The following IMMP1L variants were observed in gnomAD, a reference collection of about 807,000 sequenced individuals.
IMMP1L encodes mitochondrial inner membrane protease subunit 1.
IMMP1L carries 24 observed loss-of-function variants against 21.8 expected under a neutral mutation model. That is an observed-to-expected ratio of 1.10 (90% CI 0.80 to 1.55). The LOEUF (loss-of-function observed/expected upper bound fraction) is 1.55, where lower values mean the gene tolerates loss of function less well. Among genes scored for constraint, IMMP1L ranks in the 40% most tolerant of loss-of-function variants. The pLI is 0.00. For synonymous variants in IMMP1L, 46 were observed against 62.8 expected (o/e 0.73, Z 1.26); for missense variants, 195 against 200.7 (o/e 0.97, Z 0.17).
At chr11:31,457,944 C>A (rs968626107) in intron 3 of IMMP1L, among the ~76,000 whole-genome samples, 11 of 152,076 alleles carry the variant, frequency 7.2e-5, no homozygotes, top group Admixed American at 6.6e-5. Context: ...TCTTTCTAAC[C>A]AACTAGAACC....
At chr11:31,453,873 T>C (rs529789740) in intron 4 of IMMP1L, among the ~76,000 whole-genome samples, 11 of 152,296 alleles carry the variant, frequency 7.2e-5, no homozygotes, top group Non-Finnish European at 1.3e-4. Context: ...ACAGAATAGA[T>C]AGGCAAAGGG....
intron 1 of IMMP1L, among the ~76,000 whole-genome samples, chr11:31,503,495 C>A (rs900092147): frequency 1.3e-5 from 2 of 151,912 alleles, no homozygotes; most frequent in African/African-American, 4.8e-5. Flanking sequence ...CGTGAAAAAT[C>A]CCTAGCAAAA....
rs77068195 is a variant in IMMP1L at position 31,466,685 on chromosome 11, T to C, written c.-29-3380A>G. Among the ~76,000 whole-genome samples, 469 of 152,192 alleles carry C rather than the reference T, an allele frequency of 3.1e-3. 1 individual carries two copies. Among genetic ancestry groups the C allele is most frequent in the African/African-American group, 0.011 (446 of 41,554 alleles). ...GAAGAAAAATACCTTATGTTTTCAC[T>C]CATCTGTGGGAGCTTAAAAAAATAT... On this transcript the variant is annotated intron_variant, in intron 1 of 5. Transcript: ENST00000532287.
At chr11:31,503,921 G>T (rs541190845) in intron 1 of IMMP1L, among the ~76,000 whole-genome samples, 1 of 152,318 alleles carries the variant, frequency 6.6e-6, no homozygotes, top group South Asian at 2.1e-4. Context: ...AAAGAAATCT[G>T]CCTAATTTAT....
At chr11:31,471,281 A>G (rs1954542050) in intron 1 of IMMP1L, among the ~76,000 whole-genome samples, 1 of 152,160 alleles carries the variant, frequency 6.6e-6, no homozygotes, top group African/African-American at 2.4e-5. Flanking sequence ...ACCTGTTTGG[A>G]TAAGGCCCTA....
chr11:31,463,107 C>T, intron 2 of IMMP1L, 65 bp downstream of exon 2: 1 of 1,293,110 alleles, frequency 7.7e-7, no homozygotes, highest in Non-Finnish European at 1.1e-6. Flanking sequence ...AGGAAAAACA[C>T]ACTTTCCTTC....
chr11:31,505,114 C>T (rs2133839384), intron 1 of IMMP1L, among the ~76,000 whole-genome samples: 1 of 152,216 alleles, frequency 6.6e-6, no homozygotes, highest in East Asian at 1.9e-4. Flanking sequence ...GACTCCAGGG[C>T]TAGTGAAGCC....
intron 1 of IMMP1L, among the ~76,000 whole-genome samples, chr11:31,477,931 C>T (rs149403243): frequency 6.6e-6 from 1 of 152,240 alleles, no homozygotes; most frequent in East Asian, 1.9e-4. Flanking sequence ...TACCAGGGAC[C>T]TCATGTTGGT....
chr11:31,489,681 C>T (rs1338708047), intron 1 of IMMP1L, among the ~76,000 whole-genome samples: 1 of 152,176 alleles, frequency 6.6e-6, no homozygotes, highest in Non-Finnish European at 1.5e-5. Flanking sequence ...TCTCTTCCTC[C>T]TCTTTTGTAA....
intron 4 of IMMP1L, among the ~76,000 whole-genome samples, chr11:31,444,799 T>G (rs1346777793): frequency 1.3e-5 from 2 of 152,084 alleles, no homozygotes; most frequent in Non-Finnish European, 1.5e-5. Flanking sequence ...TATGCTGGTC[T>G]CGAACTTAAA....
chr11:31,473,822 G>C, intron 1 of IMMP1L: 1 of 789,656 alleles, frequency 1.3e-6, no homozygotes, highest in Non-Finnish European at 1.5e-6. Context: ...TCAGAAACAG[G>C]AAAAATATAT....
chr11:31,464,670 C>G (rs1436249989), intron 1 of IMMP1L, among the ~76,000 whole-genome samples: 1 of 152,102 alleles, frequency 6.6e-6, no homozygotes, highest in African/African-American at 2.4e-5. Flanking sequence ...AGCACATCAA[C>G]AGAATGAAGA....
intron 4 of IMMP1L, among the ~76,000 whole-genome samples, chr11:31,438,809 A>G (rs956514573): frequency 5.3e-5 from 8 of 152,118 alleles, no homozygotes; most frequent in African/African-American, 1.9e-4. Context: ...TTGTTACTCC[A>G]GGGTTTACAA....
intron 4 of IMMP1L, chr11:31,433,793 C>T (rs1350820302): frequency 2.7e-6 from 1 of 375,650 alleles, no homozygotes. Flanking sequence ...CTTTTTTTGT[C>T]ATATGGTTCC....
intron 1 of IMMP1L, among the ~76,000 whole-genome samples, chr11:31,475,182 T>C (rs1217233390): frequency 2.6e-5 from 4 of 152,226 alleles, no homozygotes; most frequent in Non-Finnish European, 5.9e-5. Context: ...CATTTTCACA[T>C]ATAACCAAAA....
Position 31,452,045 on chromosome 11 carries a change from G to A in IMMP1L, c.321+4215C>T, listed in dbSNP as rs542346352. On this transcript the variant is annotated intron_variant, in intron 4 of 5. Transcript: ENST00000532287. ...GTTGATCACTGGAGAGACAACAAGA[G>A]AAGTCATTAGCGACTTTGACAAGAA... is the stretch of plus-strand genomic sequence containing the variant. Among the ~76,000 whole-genome samples, 18 of 152,328 alleles carry A rather than the reference G, an allele frequency of 1.2e-4. No individual in the cohort carries two copies. In the South Asian group the frequency reaches 3.7e-3, roughly 32 times the overall value.
chr11:31,440,361 GA>G (rs1318809616), intron 4 of IMMP1L, among the ~76,000 whole-genome samples: 1 of 152,162 alleles, frequency 6.6e-6, no homozygotes, highest in Non-Finnish European at 1.5e-5. Flanking sequence ...ATCACTGCCA[GA>G]AGCAGATGTT....
intron 1 of IMMP1L, chr11:31,473,827 A>G (rs1419473019): frequency 4.4e-5 from 30 of 685,522 alleles, no homozygotes; most frequent in Admixed American, 6.3e-5. Context: ...AACAGGAAAA[A>G]TATATATATA....
intron 4 of IMMP1L, 145 bp downstream of exon 4, chr11:31,456,115 G>A: frequency 2.0e-6 from 1 of 510,272 alleles, no homozygotes; most frequent in Non-Finnish European, 3.3e-6. Flanking sequence ...CGGCTGAATT[G>A]TTCTTGATAT....
Sources: gnomAD v4.1 joint callset for allele counts (sites outside exome capture counted in the v4.1 genomes callset) on GRCh38, gnomAD v4.1.1 for gene constraint, MANE v1.5 for transcripts, NCBI Gene and HGNC (gene_info 2026-07-23, HGNC 2026-07-21) for gene names.